C1orf56: variants seen among roughly 807,000 people sequenced by gnomAD.
The protein encoded by C1orf56 is chromosome 1 open reading frame 56, also known as protein MENT.
Under a neutral mutation model 20.7 loss-of-function variants are expected in C1orf56, and 14 were observed. The observed-to-expected ratio is 0.68, with a 90% CI of 0.45 to 1.06. The LOEUF (loss-of-function observed/expected upper bound fraction) is 1.06, where lower values mean the gene tolerates loss of function less well. Ranked by LOEUF, C1orf56 falls within the 50% of genes least tolerant of loss-of-function variation. The pLI is 0.00. For synonymous variants in C1orf56, 187 were observed against 194.7 expected (o/e 0.96, Z 0.33); for missense variants, 424 against 451.4 (o/e 0.94, Z 0.55).
chr1:151,048,521 A>G lies in C1orf56; in HGVS notation c.674A>G (p.Lys225Arg). 6.2e-7 allele frequency: 1 copy of G among 1,612,666 alleles called. No individual in the cohort carries two copies. Among genetic ancestry groups the G allele is most frequent in the Non-Finnish European group, 8.5e-7 (1 of 1,180,012 alleles). The change falls in exon 1 of 2, where the codon AAG becomes AGG. Residue 225 changes from lysine (K) to arginine (R), a missense_variant. Lys to Arg is a conservative substitution (Grantham distance 26, BLOSUM62 2). Coordinates refer to ENST00000368926, the MANE Select transcript of C1orf56 (RefSeq NM_017860.5). The surrounding 1 kb of genome is among the most constrained non-coding windows in gnomAD (Gnocchi z 4.8). ...SGTMSRSRSG[K>R]LHGLSGRLRV... ...ACCATGAGCCGGAGCCGGTCTGGGA[A>G]GCTGCACGGCCTTTCCGGGCGCCTT...
Position 151,048,625 on chromosome 1 carries a change from G to A in C1orf56, c.778G>A (p.Glu260Lys), listed in dbSNP as rs1243415843. The A allele has an allele frequency of 6.2e-7, 1 of 1,612,486 alleles. No individual in the cohort carries two copies. ...YQQCPCNRLREECPLDTSLCT... is the reference protein window; with the variant it reads ...YQQCPCNRLRKECPLDTSLCT... ...ACAATGTCCCTGCAACCGACTTCGG[G>A]AAGAGTGCCCCCTGGACACAAGTCT... Residue 260 changes from glutamate (E) to lysine (K), a missense_variant, in exon 1 of 2, where the codon GAA becomes AAA. By Grantham distance (56) the Glu-to-Lys change is moderately conservative. Coordinates refer to ENST00000368926, the MANE Select transcript of C1orf56 (RefSeq NM_017860.5). This position sits in a 1 kb window ranked among gnomAD's most constrained non-coding sequence, Gnocchi z 4.8.
rs765072258 is a variant in C1orf56, at chr1:151,048,159, T to C, written c.312T>C (p.Asp104=). Residue 104 remains aspartate (D), a synonymous_variant, in exon 1 of 2, where the codon GAT becomes GAC. Coordinates refer to ENST00000368926, the MANE Select transcript of C1orf56 (RefSeq NM_017860.5). This position sits in a 1 kb window ranked among gnomAD's most constrained non-coding sequence, Gnocchi z 4.8. ...GGTCGTCCGCCATTAACGAGGAGGA[T>C]GGGTCTTCAGAAGAGGGGGTTGTGA... ...FSRSSAINEE[D]GSSEEGVVIN... 6.2e-7 allele frequency: 1 copy of C among 1,614,060 alleles called. No individual in the cohort carries two copies. The highest frequency in any genetic ancestry group is 8.5e-7 in the Non-Finnish European group (1 of 1,180,004).
Position 151,048,141 on chromosome 1 carries a change from C to G in C1orf56, c.294C>G (p.Ser98=). ...TGTCCACCGGCTTTAGCCGGTCGTC[C>G]GCCATTAACGAGGAGGATGGGTCTT... The part of the protein sequence containing the change: ...ATVSTGFSRS[S]AINEEDGSSE... The change falls in exon 1 of 2, where the codon TCC becomes TCG. Residue 98 remains serine, a synonymous_variant. Coordinates refer to ENST00000368926, the MANE Select transcript of C1orf56 (RefSeq NM_017860.5). This position sits in a 1 kb window ranked among gnomAD's most constrained non-coding sequence, Gnocchi z 4.8. 1 of 1,614,042 alleles carries G rather than the reference C, an allele frequency of 6.2e-7. No homozygotes were observed. The highest frequency in any genetic ancestry group is 8.5e-7 in the Non-Finnish European group (1 of 1,180,012).
Position 151,048,310 on chromosome 1 carries a change from C to T in C1orf56, c.463C>T (p.Pro155Ser), listed in dbSNP as rs1208559510. 1 of 1,614,166 alleles carries T rather than the reference C, an allele frequency of 6.2e-7. No individual in the cohort carries two copies. Among genetic ancestry groups the T allele is most frequent in the South Asian group, 1.1e-5 (1 of 91,084 alleles). The part of the protein sequence containing the change: ...EPEIRLTSSL[P>S]RSPGRSTEDL... Reference sequence around the variant, plus strand: ...TGAAATCAGGCTGACTTCAAGCCTGCCGCGCTCCCCCGGGAGGTCTACTGA... The same window carrying T: ...TGAAATCAGGCTGACTTCAAGCCTGTCGCGCTCCCCCGGGAGGTCTACTGA... Residue 155 changes from proline to serine, a missense_variant, in exon 1 of 2, where the codon CCG becomes TCG. Pro to Ser is a moderately conservative substitution (Grantham distance 74). Coordinates refer to ENST00000368926, the MANE Select transcript of C1orf56 (RefSeq NM_017860.5). The surrounding 1 kb of genome is among the most constrained non-coding windows in gnomAD (Gnocchi z 4.8).
At position 151,048,985 on chromosome 1, in the gene C1orf56, C is replaced by A; in HGVS notation, c.1005+133C>A. On this transcript the variant is annotated intron_variant, in intron 1 of 1. Transcript: ENST00000368926. This position sits in a 1 kb window ranked among gnomAD's most constrained non-coding sequence, Gnocchi z 4.8. ...GACTTACCTGGTTATTGATTCATAA[C>A]ATGCATTGGTTATTCACATTGTTAG... 1 of 1,320,614 alleles carries A rather than the reference C, an allele frequency of 7.6e-7. No homozygotes were observed. The highest frequency in any genetic ancestry group is 1.0e-6 in the Non-Finnish European group (1 of 997,214). 81.8% of individuals were successfully genotyped at this position (1,320,614 alleles called of 1,614,324 possible).
rs1189234259 is a variant in C1orf56, at chr1:151,048,692, C to T, written c.845C>T (p.Thr282Ile). 1.9e-6 allele frequency: 3 copies of T among 1,611,536 alleles called. No homozygotes were observed. The highest frequency in any genetic ancestry group is 1.7e-5 in the Admixed American group (1 of 59,826). ...TNCASQSTTS[T>I]RTTTTPFPTI... ...TGTGCCTCTCAGAGCACCACCAGTA[C>T]CAGGACCACCACTACCCCCTTCCCC... is the stretch of plus-strand genomic sequence containing the variant. The change falls in exon 1 of 2, where the codon ACC becomes ATC. Residue 282 changes from threonine to isoleucine, a missense_variant. Physicochemically the swap from Thr to Ile is moderately conservative, Grantham distance 89. Transcript: ENST00000368926. This position sits in a 1 kb window ranked among gnomAD's most constrained non-coding sequence, Gnocchi z 4.8.
Position 151,047,908 on chromosome 1 carries a change from G to T in C1orf56, c.61G>T (p.Ala21Ser), listed in dbSNP as rs762757803. ...GCTGCTGAATCTGGGTCCCCGGGCG[G>T]CGGGGGCCCAAGGCCTGACCCAGAC... The part of the protein sequence containing the change: ...VLLLNLGPRA[A>S]GAQGLTQTPT... The change falls in exon 1 of 2, where the codon GCG becomes TCG. Residue 21 changes from alanine (A) to serine (S), a missense_variant. Ala to Ser is a moderately conservative substitution (Grantham distance 99, BLOSUM62 1). Coordinates refer to ENST00000368926, the MANE Select transcript of C1orf56 (RefSeq NM_017860.5). The T allele has an allele frequency of 5.0e-6, 8 of 1,609,208 alleles. No homozygotes were observed. The East Asian group carries it at 1.6e-4, about 31-fold the overall frequency.
Position 151,047,915 on chromosome 1 carries a change from C to A in C1orf56, c.68C>A (p.Ala23Asp), listed in dbSNP as rs1448550121. Residue 23 changes from alanine (A) to aspartate (D), a missense_variant, in exon 1 of 2, where the codon GCC becomes GAC. By Grantham distance (126) the Ala-to-Asp change is moderately radical. Transcript: ENST00000368926. ...AATCTGGGTCCCCGGGCGGCGGGGG[C>A]CCAAGGCCTGACCCAGACTCCGACC... ...LLNLGPRAAG[A>D]QGLTQTPTEM... 6.2e-7 allele frequency: 1 copy of A among 1,611,446 alleles called. No homozygotes were observed. Among genetic ancestry groups the A allele is most frequent in the East Asian group, 2.2e-5 (1 of 44,850 alleles).
At position 151,048,259 on chromosome 1, in the gene C1orf56, AG is replaced by A; in HGVS notation, c.414del (p.Arg138SerfsTer3). 1 of 1,614,234 alleles carries A rather than the reference AG, an allele frequency of 6.2e-7. No individual in the cohort carries two copies. The highest frequency in any genetic ancestry group is 1.7e-5 in the Admixed American group (1 of 60,028). ...TPNTAGSSST[R>X]FIANSQEPEI... is the part of the protein sequence containing the mutation. ...CAATACAGCGGGGAGTTCCAGCACG[AG>A]GTTTATAGCCAATAGTCAGGAGCCT... On this transcript the variant is annotated frameshift_variant, in exon 1 of 2. Transcript: ENST00000368926. LOFTEE classifies it high-confidence loss of function. The surrounding 1 kb of genome is among the most constrained non-coding windows in gnomAD (Gnocchi z 4.8).
rs1408701375 is a variant in C1orf56, at chr1:151,047,818, C to T, written c.-30C>T. ...TAGGAGGCAGGGCTTGCCTCACTGG[C>T]CACCCTCCCAACCCCAAGAGCCCAG... is the stretch of plus-strand genomic sequence containing the variant. On this transcript the variant is annotated 5_prime_UTR_variant, in exon 1 of 2. Coordinates refer to ENST00000368926, the MANE Select transcript of C1orf56 (RefSeq NM_017860.5). 1 of 1,506,522 alleles carries T rather than the reference C, an allele frequency of 6.6e-7. No homozygotes were observed. The highest frequency in any genetic ancestry group is 8.8e-7 in the Non-Finnish European group (1 of 1,134,542). 93.3% of individuals were successfully genotyped at this position (1,506,522 alleles called of 1,614,324 possible). A position where few individuals can be genotyped will look rare whatever the true frequency, so the allele number is the denominator to read the frequency against.
rs746923017 is a variant in C1orf56 at position 151,048,807 on chromosome 1, G to A, written c.960G>A (p.Glu320=). ...GGAAACGGGTCAGGATTGGCCTGGA[G>A]GATATTTGGAATAGCCTCTCTTCAG... is the stretch of plus-strand genomic sequence containing the variant. The part of the protein sequence containing the change: ...AFWKRVRIGL[E]DIWNSLSSVF... Residue 320 remains glutamate, a synonymous_variant, in exon 1 of 2, where the codon GAG becomes GAA. Transcript: ENST00000368926. The surrounding 1 kb of genome is among the most constrained non-coding windows in gnomAD (Gnocchi z 4.8). 3.1e-6 allele frequency: 5 copies of A among 1,600,152 alleles called. No homozygotes were observed. Among genetic ancestry groups the A allele is most frequent in the Non-Finnish European group, 3.4e-6 (4 of 1,174,270 alleles).
Position 151,051,392 on chromosome 1 carries a change from T to A in C1orf56, c.*934T>A, listed in dbSNP as rs1289245930. 2.7e-4 allele frequency: 1 copy of A among 3,662 alleles called. No homozygotes were observed. The highest frequency in any genetic ancestry group is 4.9e-4 in the African/African-American group (1 of 2,054). The allele number at this position is 3,662 out of a possible 1,614,324, so 0.2% of individuals were successfully genotyped here. A position where few individuals can be genotyped will look rare whatever the true frequency, so the allele number is the denominator to read the frequency against. ...AAATGGCAGAAAATACATGGAAATT[T>A]GAAAAAAAAAAAAAAAAAAAAAAAA... On this transcript the variant is annotated 3_prime_UTR_variant, in exon 2 of 2. Transcript: ENST00000368926.
At position 151,048,209 on chromosome 1, in the gene C1orf56, G is replaced by C; in HGVS notation, c.362G>C (p.Ser121Thr). The C allele has an allele frequency of 6.2e-7, 1 of 1,614,254 alleles. No homozygotes were observed. Residue 121 changes from serine to threonine, a missense_variant, in exon 1 of 2, where the codon AGC becomes ACC. Coordinates refer to ENST00000368926, the MANE Select transcript of C1orf56 (RefSeq NM_017860.5). This position sits in a 1 kb window ranked among gnomAD's most constrained non-coding sequence, Gnocchi z 4.8. ...VVINAGKDSTSRELPSATPNT... is the reference protein window; with the variant it reads ...VVINAGKDSTTRELPSATPNT... ...ATTAATGCCGGAAAGGATAGCACCA[G>C]CAGAGAGCTTCCCAGTGCGACTCCC...
intron 1 of C1orf56, 132 bp from the exon 2 acceptor site, chr1:151,050,306 A>AAAAT (rs1305464905): frequency 2.0e-5 from 16 of 791,904 alleles, no homozygotes; most frequent in South Asian, 3.8e-5. Flanking sequence ...ATTGCATACA[A>AAAAT]AAATAAGTAA....
chr1:151,048,151 G>A lies in C1orf56; in HGVS notation c.304G>A (p.Glu102Lys), dbSNP rs1168065927. Residue 102 changes from glutamate (E) to lysine (K), a missense_variant, in exon 1 of 2, where the codon GAG becomes AAG. Coordinates refer to ENST00000368926, the MANE Select transcript of C1orf56 (RefSeq NM_017860.5). The surrounding 1 kb of genome is among the most constrained non-coding windows in gnomAD (Gnocchi z 4.8). ...TGFSRSSAINEEDGSSEEGVV... is the reference protein window; with the variant it reads ...TGFSRSSAINKEDGSSEEGVV... ...CTTTAGCCGGTCGTCCGCCATTAAC[G>A]AGGAGGATGGGTCTTCAGAAGAGGG... 2 of 1,614,150 alleles carry A rather than the reference G, an allele frequency of 1.2e-6. No homozygotes were observed. The highest frequency in any genetic ancestry group is 1.3e-5 in the African/African-American group (1 of 75,062).
chr1:151,048,710 C>A lies in C1orf56; in HGVS notation c.863C>A (p.Pro288His), dbSNP rs776746990. ...STTSTRTTTT[P>H]FPTIHLRSSP... ...ACCAGTACCAGGACCACCACTACCC[C>A]CTTCCCCACCATCCACCTCAGAAGC... The change falls in exon 1 of 2, where the codon CCC (proline) becomes CAC (histidine). Residue 288 changes from proline (P) to histidine (H), a missense_variant. Transcript: ENST00000368926. The surrounding 1 kb of genome is among the most constrained non-coding windows in gnomAD (Gnocchi z 4.8). The A allele has an allele frequency of 2.0e-5, 33 of 1,611,910 alleles. No individual in the cohort carries two copies. The highest frequency in any genetic ancestry group is 9.9e-5 in the South Asian group (9 of 90,766).
rs1243979271 is a variant in C1orf56, at chr1:151,048,947, A to G, written c.1005+95A>G. The G allele has an allele frequency of 4.0e-6, 6 of 1,488,114 alleles. No homozygotes were observed. Among genetic ancestry groups the G allele is most frequent in the South Asian group, 2.8e-5 (2 of 71,208 alleles). 92.2% of individuals were successfully genotyped at this position (1,488,114 alleles called of 1,614,324 possible). Reference sequence around the variant, plus strand: ...TGCTAAGCCAGCCAGTGTTGCTTACATGAACTGTTACTGACTTACCTGGTT... The same window carrying G: ...TGCTAAGCCAGCCAGTGTTGCTTACGTGAACTGTTACTGACTTACCTGGTT... On this transcript the variant is annotated intron_variant, in intron 1 of 1. Transcript: ENST00000368926. The surrounding 1 kb of genome is among the most constrained non-coding windows in gnomAD (Gnocchi z 4.8).
rs775368990 is a variant in C1orf56 at position 151,048,623 on chromosome 1, GGGAAGAGTGCCCCCT to G, written c.780_794del (p.Glu260_Leu264del). 5.4e-4 allele frequency: 869 copies of G among 1,614,100 alleles called. 1 individual carries two copies. The highest frequency in any genetic ancestry group is 6.6e-4 in the Non-Finnish European group (776 of 1,180,040). On this transcript the variant is annotated inframe_deletion, in exon 1 of 2. Coordinates refer to ENST00000368926, the MANE Select transcript of C1orf56 (RefSeq NM_017860.5). This position sits in a 1 kb window ranked among gnomAD's most constrained non-coding sequence, Gnocchi z 4.8. ...CAACAATGTCCCTGCAACCGACTTCGGGAAGAGTGCCCCCTGGACACAAGTCTCTGTACTGACACC... is the reference window on the plus strand; with the variant it reads ...CAACAATGTCCCTGCAACCGACTTCGGGACACAAGTCTCTGTACTGACACC...
Position 151,050,862 on chromosome 1 carries a change from C to T in C1orf56, c.*404C>T, listed in dbSNP as rs1311710563. The T allele has an allele frequency of 5.9e-6, 1 of 168,948 alleles. No individual in the cohort carries two copies. The highest frequency in any genetic ancestry group is 1.3e-5 in the Non-Finnish European group (1 of 79,438). The allele number at this position is 168,948 out of a possible 1,614,324, so 10.5% of individuals were successfully genotyped here. Reference sequence around the variant, plus strand: ...GGTCTTCTTGCCTTCATGCTTGGCCCTCTCTCCTCAAAAGGGCAATGTTGG... The same window carrying T: ...GGTCTTCTTGCCTTCATGCTTGGCCTTCTCTCCTCAAAAGGGCAATGTTGG... On this transcript the variant is annotated 3_prime_UTR_variant, in exon 2 of 2. Coordinates refer to ENST00000368926, the MANE Select transcript of C1orf56 (RefSeq NM_017860.5).
Sources: allele counts gnomAD v4.1 joint callset, GRCh38; gene constraint gnomAD v4.1.1; non-coding constraint Gnocchi (gnomAD v3.1); transcripts MANE v1.5; gene names NCBI Gene and HGNC (gene_info 2026-07-23, HGNC 2026-07-21).